The following ABR variants were observed in gnomAD, a reference collection of about 807,000 sequenced individuals.
ABR encodes ABR activator of RhoGEF and GTPase, also known as active breakpoint cluster region-related protein.
ABR carries 35 observed loss-of-function variants against 107.2 expected under a neutral mutation model. That is an observed-to-expected ratio of 0.33 (90% confidence interval 0.25 to 0.43). The LOEUF (loss-of-function observed/expected upper bound fraction) is 0.43, where lower values mean the gene tolerates loss of function less well. Among genes scored for constraint, ABR ranks in the 20% least tolerant of loss-of-function variants. ABR has a pLI of 1.00. For missense variants in ABR, 815 were observed against 1,115.2 expected, an observed-to-expected ratio of 0.73 and a Z score of 3.83; for synonymous variants, 498 against 462.0, an observed-to-expected ratio of 1.08 and a Z score of -1.00.
chr17:1,056,244 T>C, intron 13 of ABR, 135 bp from the exon 14 acceptor site: 1 of 790,572 alleles, frequency 1.3e-6, no homozygotes, highest in Non-Finnish European at 2.1e-6. Context: ...GGTGGCCAGA[T>C]GAAAAAGTTT....
intron 1 of ABR, among the ~76,000 whole-genome samples, chr17:1,193,952 T>C (rs527397406): frequency 8.8e-4 from 134 of 152,098 alleles, no homozygotes; most frequent in Middle Eastern, 3.4e-3. Flanking sequence ...CCTTGGCCTC[T>C]CAAAGTGCTG....
rs2036494175 is a variant in ABR at position 1,084,959 on chromosome 17, C to T, written c.532-1332G>A. Reference sequence around the variant, plus strand: ...CTGGCGTTACAGGCGCCCGCCACCACGCCTGGCTAATCTTGTATTTTTAGT... The same window carrying T: ...CTGGCGTTACAGGCGCCCGCCACCATGCCTGGCTAATCTTGTATTTTTAGT... On this transcript the variant is annotated intron_variant, in intron 4 of 22. Coordinates refer to ENST00000302538, the MANE Select transcript of ABR (RefSeq NM_021962.5). The surrounding 1 kb of genome is among the most constrained non-coding windows in gnomAD (Gnocchi z 4.2). 2.0e-5 allele frequency among the ~76,000 whole-genome samples: 3 copies of T among 152,238 alleles called. No individual in the cohort carries two copies. The highest frequency in any genetic ancestry group is 4.2e-4 in the South Asian group (2 of 4,812).
chr17:1,204,495 C>A (rs565793358), intron 1 of ABR, among the ~76,000 whole-genome samples: 3 of 152,266 alleles, frequency 2.0e-5, no homozygotes, highest in South Asian at 4.2e-4. Context: ...AACTACAGTC[C>A]TGAGCCATAT....
rs2042046505 is a variant in ABR at position 1,179,541 on chromosome 17, C to T, written c.61+126G>A. ...CGATCTCGCCCCCGCCCGCGCTCCCCGGACCAGCCCGGTGCCTGGGTCCCG... is the reference window on the plus strand; with the variant it reads ...CGATCTCGCCCCCGCCCGCGCTCCCTGGACCAGCCCGGTGCCTGGGTCCCG... On this transcript the variant is annotated intron_variant, in intron 1 of 22. Coordinates refer to ENST00000302538, the MANE Select transcript of ABR (RefSeq NM_021962.5). This position sits in a 1 kb window ranked among gnomAD's most constrained non-coding sequence, Gnocchi z 4.9. 1.9e-6 allele frequency: 2 copies of T among 1,057,332 alleles called. No individual in the cohort carries two copies. Among genetic ancestry groups the T allele is most frequent in the Admixed American group, 3.9e-5 (1 of 25,604 alleles). 65.5% of individuals were successfully genotyped at this position (1,057,332 alleles called of 1,614,324 possible).
At chr17:1,049,953 A>G (rs1396109907) in intron 16 of ABR, 97 bp downstream of exon 16, 19 of 1,491,386 alleles carry the variant, frequency 1.3e-5, no homozygotes, top group Non-Finnish European at 1.6e-5. Context: ...CTTGGAACCA[A>G]AATCACGAAA....
chr17:1,040,214 C>G (rs1461977155), intron 16 of ABR, among the ~76,000 whole-genome samples: 1 of 152,160 alleles, frequency 6.6e-6, no homozygotes, highest in Non-Finnish European at 1.5e-5. Context: ...CGCGCAGGAC[C>G]CTCAGGCAGG....
chr17:1,039,631 C>T (rs1317782377), intron 16 of ABR: 1 of 152,704 alleles, frequency 6.5e-6, no homozygotes, highest in Non-Finnish European at 1.5e-5. Flanking sequence ...ACAATGGCTG[C>T]AGTCACGGGG....
upstream of ABR, among the ~76,000 whole-genome samples, chr17:1,190,382 C>A (rs1221249506): frequency 6.6e-6 from 1 of 152,162 alleles, no homozygotes; most frequent in African/African-American, 2.4e-5. Flanking sequence ...GCCTGTAATC[C>A]CAGCACTTTG....
chr17:1,153,650 CCCAGGCACACCTGCGGGAGGGCTGGGGGT>C (rs2040910724), intron 1 of ABR, among the ~76,000 whole-genome samples: 3 of 41,588 alleles, frequency 7.2e-5, no homozygotes, highest in South Asian at 1.3e-3. Flanking sequence ...GGGCTGGGGA[CCCAGGCACACCTGCGGGAGGGCTGGGGGT>C]CCAGGCACAC....
chr17:1,180,534 G>A (rs1010264092), upstream of ABR, among the ~76,000 whole-genome samples: 1 of 152,240 alleles, frequency 6.6e-6, no homozygotes, highest in African/African-American at 2.4e-5. Context: ...GAGGACCGAA[G>A]TCACGGGGGC....
intron 1 of ABR, among the ~76,000 whole-genome samples, chr17:1,202,594 C>T (rs753793788): frequency 6.6e-6 from 1 of 152,166 alleles, no homozygotes; most frequent in African/African-American, 2.4e-5. Flanking sequence ...GCCCCAGCTG[C>T]CCCCTTTTCA....
chr17:1,052,211 GAAC>G (rs2032642658), intron 14 of ABR, among the ~76,000 whole-genome samples: 1 of 151,792 alleles, frequency 6.6e-6, no homozygotes, highest in South Asian at 2.1e-4. Context: ...ATTTGCAGGT[GAAC>G]AACACAGAGG....
At chr17:1,194,975 C>T (rs1181882878) in intron 1 of ABR, among the ~76,000 whole-genome samples, 5 of 147,380 alleles carry the variant, frequency 3.4e-5, no homozygotes, top group African/African-American at 1.2e-4. Flanking sequence ...TAATTTTGTA[C>T]AGACAGAACC....
At position 1,078,870 on chromosome 17, in the gene ABR, G is replaced by T. The variant is rs1340196149; in HGVS notation, c.700+460C>A. On this transcript the variant is annotated intron_variant, in intron 6 of 22. Coordinates refer to ENST00000302538, the MANE Select transcript of ABR (RefSeq NM_021962.5). This position sits in a 1 kb window ranked among gnomAD's most constrained non-coding sequence, Gnocchi z 7.5. Reference sequence around the variant, plus strand: ...GAGGAGAATCTCCATGGCAGCCTCTGTCCCCGCGGCGGGAGCGTGCAGCCA... The same window carrying T: ...GAGGAGAATCTCCATGGCAGCCTCTTTCCCCGCGGCGGGAGCGTGCAGCCA... The T allele has an allele frequency of 8.5e-6, 13 of 1,535,576 alleles. No homozygotes were observed. Among genetic ancestry groups the T allele is most frequent in the Admixed American group, 2.0e-5 (1 of 50,998 alleles).
chr17:1,204,895 CTTTTTCTTTTTTTT>C (rs1171109013), intron 1 of ABR, among the ~76,000 whole-genome samples: 4 of 70,320 alleles, frequency 5.7e-5, no homozygotes, highest in Admixed American at 2.5e-4. Context: ...TTTTCTTTTT[CTTTTTCTTTTTTTT>C]TTTTTTTTTT....
chr17:1,096,178 C>G (rs1597789466), intron 3 of ABR, among the ~76,000 whole-genome samples: 1 of 152,178 alleles, frequency 6.6e-6, no homozygotes, highest in East Asian at 1.9e-4. Flanking sequence ...CAGGAGGGCC[C>G]CAGAAGATGA....
intron 1 of ABR, among the ~76,000 whole-genome samples, chr17:1,227,337 G>C (rs909932949): frequency 1.3e-5 from 2 of 152,188 alleles, no homozygotes; most frequent in African/African-American, 4.8e-5. Context: ...CAGCTCTGAA[G>C]CAGCTGGGGC....
chr17:1,192,427 T>G (rs984451444), intron 1 of ABR, among the ~76,000 whole-genome samples: 1 of 152,144 alleles, frequency 6.6e-6, no homozygotes, highest in African/African-American at 2.4e-5. Flanking sequence ...CAGTGAGTTA[T>G]GGAGGGGGCA....
chr17:1,161,972 G>A (rs187416337), intron 1 of ABR, among the ~76,000 whole-genome samples: 231 of 152,276 alleles, frequency 1.5e-3, no homozygotes, highest in Non-Finnish European at 2.5e-3. Flanking sequence ...AAACCAGCCC[G>A]GGAGATGCAT....
Sources: gnomAD v4.1 joint callset for allele counts (sites outside exome capture counted in the v4.1 genomes callset) on GRCh38, gnomAD v4.1.1 for gene constraint, Gnocchi (gnomAD v3.1) non-coding constraint, MANE v1.5 for transcripts, NCBI Gene and HGNC (gene_info 2026-07-23, HGNC 2026-07-21) for gene names.